Variants in PCNX2 observed in about 807,000 individuals in gnomAD.
PCNX2 encodes the protein pecanex-like protein 2.
A neutral mutation model predicts 223.8 loss-of-function variants in PCNX2; 168 were observed. That is an observed-to-expected ratio of 0.75 (90% CI 0.66 to 0.85). The LOEUF is 0.85. PCNX2 is among the 40% of genes least tolerant of loss of function. PCNX2 has a pLI of 0.00. For synonymous variants in PCNX2, 1,006 were observed against 1,052.6 expected, an observed-to-expected ratio of 0.96 and a Z score of 0.86; for missense variants, 2,507 against 2,675.5, an observed-to-expected ratio of 0.94 and a Z score of 1.39.
intron 22 of PCNX2, 71 bp downstream of exon 22, chr1:233,095,684 G>T (rs1029585261): frequency 7.7e-6 from 10 of 1,303,102 alleles, no homozygotes; most frequent in Non-Finnish European, 1.1e-5. Context: ...ATTGCCAGGG[G>T]TCAATGAAAA....
intron 21 of PCNX2, among the ~76,000 whole-genome samples, chr1:233,129,577 G>A (rs1374829760): frequency 2.0e-5 from 3 of 152,228 alleles, no homozygotes; most frequent in Non-Finnish European, 4.4e-5. Context: ...AAGCCAGCTA[G>A]GCTCCTGAGT....
chr1:233,020,213 C>A (rs1409878453), intron 26 of PCNX2, among the ~76,000 whole-genome samples: 1 of 152,220 alleles, frequency 6.6e-6, no homozygotes, highest in African/African-American at 2.4e-5. Context: ...AGAACAGAAC[C>A]CAGCTAGATG....
At chr1:233,049,507 A>G (rs902400284) in intron 25 of PCNX2, among the ~76,000 whole-genome samples, 8 of 152,160 alleles carry the variant, frequency 5.3e-5, no homozygotes, top group African/African-American at 1.7e-4. Flanking sequence ...AGACTCATCT[A>G]TGACAAACAA....
intron 16 of PCNX2, 52 bp from the exon 17 acceptor site, chr1:233,177,950 T>C: frequency 6.9e-7 from 1 of 1,451,796 alleles, no homozygotes; most frequent in Non-Finnish European, 9.6e-7. Flanking sequence ...GGGACAGTGT[T>C]TTCGGTAAAT....
intron 25 of PCNX2, chr1:233,032,905 C>T (rs1671319152): frequency 3.5e-6 from 3 of 859,052 alleles, no homozygotes; most frequent in Non-Finnish European, 4.2e-6. Context: ...AAGAGTCACA[C>T]TCAGGATCAT....
At chr1:233,293,645 T>C (rs1572217716) in intron 1 of PCNX2, among the ~76,000 whole-genome samples, 1 of 152,204 alleles carries the variant, frequency 6.6e-6, no homozygotes, top group Non-Finnish European at 1.5e-5. Context: ...GATGGAGAGA[T>C]TTTAGAAGAT....
At chr1:233,157,146 C>T (rs949412253) in intron 19 of PCNX2, among the ~76,000 whole-genome samples, 3 of 152,104 alleles carry the variant, frequency 2.0e-5, no homozygotes, top group Non-Finnish European at 4.4e-5. Flanking sequence ...CTTTACAGGA[C>T]CTACTGTGAC....
At chr1:233,105,125 A>G (rs1674691653) in intron 21 of PCNX2, among the ~76,000 whole-genome samples, 1 of 152,146 alleles carries the variant, frequency 6.6e-6, no homozygotes, top group Non-Finnish European at 1.5e-5. Context: ...ATGAGAAAGA[A>G]AATATATTCT....
At chr1:233,091,777 C>CT (rs879308159) in intron 22 of PCNX2, among the ~76,000 whole-genome samples, 15 of 137,590 alleles carry the variant, frequency 1.1e-4, no homozygotes, top group Admixed American at 5.8e-4. Context: ...TCAAGAGTGA[C>CT]TTTTTTTTTT....
chr1:233,135,942 G>C (rs1038475339), intron 20 of PCNX2, among the ~76,000 whole-genome samples: 4 of 152,184 alleles, frequency 2.6e-5, no homozygotes, highest in African/African-American at 9.7e-5. Flanking sequence ...GAGGACTGAA[G>C]TCCTGAGTGC....
chr1:233,014,146 G>A (rs1013508903), intron 28 of PCNX2, among the ~76,000 whole-genome samples: 1 of 152,192 alleles, frequency 6.6e-6, no homozygotes, highest in African/African-American at 2.4e-5. Flanking sequence ...AAAGACAGAC[G>A]TGAGCTATTT....
chr1:233,018,632 T>G, intron 26 of PCNX2: 1 of 377,164 alleles, frequency 2.7e-6, no homozygotes, highest in Non-Finnish European at 3.6e-6. Context: ...CCAAGCCTGA[T>G]AGGCTTGGAT....
chr1:233,007,349 C>A (rs1558158318), intron 28 of PCNX2, among the ~76,000 whole-genome samples: 1 of 151,940 alleles, frequency 6.6e-6, no homozygotes, highest in Non-Finnish European at 1.5e-5. Flanking sequence ...TTATTACAAC[C>A]CTTTCATATG....
In PCNX2 at chr1:233,149,000, C is replaced by T. The variant is rs368195660; in HGVS notation, c.3518-9145G>A. ...AGGAGGGCTTGCCCATGCAGCAGCA[C>T]GGCAAATGTGCTTCCTGCATCCCCA... On this transcript the variant is annotated intron_variant, in intron 19 of 33. Transcript: ENST00000258229. Among the ~76,000 whole-genome samples, 16 of 152,342 alleles carry T rather than the reference C, an allele frequency of 1.1e-4. No individual in the cohort carries two copies. The South Asian group carries it at 1.9e-3, about 18-fold the overall frequency.
At chr1:233,196,170 C>T (rs1029555289) in intron 15 of PCNX2, among the ~76,000 whole-genome samples, 3 of 152,018 alleles carry the variant, frequency 2.0e-5, no homozygotes, top group Non-Finnish European at 4.4e-5. Flanking sequence ...ACTAGTAAAT[C>T]TCAACCTTCA....
rs115554167 is a variant in PCNX2 at position 233,192,486 on chromosome 1, T to C, written c.3066+6453A>G. Among the ~76,000 whole-genome samples, 1,436 of 152,230 alleles carry C rather than the reference T, an allele frequency of 9.4e-3. 23 individuals carry two copies. The highest frequency in any genetic ancestry group is 0.032 in the African/African-American group (1,335 of 41,510). On this transcript the variant is annotated intron_variant, in intron 15 of 33. Coordinates refer to ENST00000258229, the MANE Select transcript of PCNX2 (RefSeq NM_014801.4). ...TCTATGAACTGAACAGAGACGATGCTAGGTTATCAAAGACATATTCTCACT... is the reference window on the plus strand; with the variant it reads ...TCTATGAACTGAACAGAGACGATGCCAGGTTATCAAAGACATATTCTCACT...
intron 17 of PCNX2, among the ~76,000 whole-genome samples, chr1:233,174,111 A>G (rs1679325912): frequency 6.8e-6 from 1 of 146,064 alleles, no homozygotes; most frequent in Admixed American, 6.9e-5. Context: ...TAATTTGTAT[A>G]TTATATATAA....
the PCNX2 span, among the ~76,000 whole-genome samples, chr1:233,314,952 T>C: frequency 1.3e-5 from 2 of 152,348 alleles, no homozygotes; most frequent in Admixed American, 6.5e-5. Flanking sequence ...CACATTTATA[T>C]GGCACATTAT....
rs1669486500 is a variant in PCNX2 at position 232,986,424 on chromosome 1, A to C, written c.5908T>G (p.Ser1970Ala). 6.2e-7 allele frequency: 1 copy of C among 1,606,890 alleles called. No individual in the cohort carries two copies. Among genetic ancestry groups the C allele is most frequent in the Non-Finnish European group, 8.5e-7 (1 of 1,176,884 alleles). The change falls in exon 33 of 34, where the codon TCC becomes GCC. Residue 1970 changes from serine (S) to alanine (A), a missense_variant. Transcript: ENST00000258229. Reference sequence around the variant, plus strand: ...TGGGCCAGCTCGTGCACTGAGGTGGACGTCTGGAGGAATGTTTGGCGGCTC... The same window carrying C: ...TGGGCCAGCTCGTGCACTGAGGTGGCCGTCTGGAGGAATGTTTGGCGGCTC... ...LESRQTFLQT[S>A]TSVHELAQRL...
Sources: allele counts gnomAD v4.1 joint callset (sites outside exome capture counted in the v4.1 genomes callset), GRCh38; gene constraint gnomAD v4.1.1; transcripts MANE v1.5; gene names NCBI Gene and HGNC (gene_info 2026-07-23, HGNC 2026-07-21).